The following CBLB variants were observed in gnomAD, a reference collection of about 807,000 sequenced individuals.
CBLB encodes the protein E3 ubiquitin-protein ligase CBL-B.
In CBLB, 31 loss-of-function variants were observed where a neutral mutation model predicts 104.9. The observed-to-expected ratio is 0.30, with a 90% confidence interval of 0.22 to 0.40. CBLB has a LOEUF of 0.40. CBLB is among the 10% of genes least tolerant of loss of function. The pLI, the probability that CBLB is intolerant of heterozygous loss-of-function variation, is 1.00. For missense variants in CBLB, 1,062 were observed against 1,214.6 expected (o/e 0.87, Z 1.87); for synonymous variants, 440 against 422.6 (o/e 1.04, Z -0.51).
chr3:105,806,695 C>T (rs1040946869), intron 3 of CBLB, among the ~76,000 whole-genome samples: 4 of 151,996 alleles, frequency 2.6e-5, no homozygotes, highest in Admixed American at 6.6e-5. Context: ...AAATACTACC[C>T]TGCAACAGGT....
chr3:105,787,621 G>C (rs1317551778), intron 3 of CBLB, among the ~76,000 whole-genome samples: 1 of 152,188 alleles, frequency 6.6e-6, no homozygotes, highest in African/African-American at 2.4e-5. Context: ...AAGTACAATA[G>C]GCTATATGAT....
intron 3 of CBLB, among the ~76,000 whole-genome samples, chr3:105,839,966 T>C (rs540898858): frequency 6.6e-6 from 1 of 152,332 alleles, no homozygotes; most frequent in African/African-American, 2.4e-5. Context: ...TGCAAACCTA[T>C]TTTAATCAGG....
intron 4 of CBLB, among the ~76,000 whole-genome samples, chr3:105,763,427 T>C (rs551738253): frequency 1.1e-4 from 17 of 152,274 alleles, no homozygotes; most frequent in African/African-American, 3.6e-4. Flanking sequence ...CCACATGTTG[T>C]AGAAAGGACC....
rs1029037945 is a variant in CBLB, at chr3:105,864,609, T to A, written c.168+2801A>T. ...CTATTCTTTTCCTCAAAACATAGACTATGCTAACTCTGTGCTACTGATTTT... is the reference window on the plus strand; with the variant it reads ...CTATTCTTTTCCTCAAAACATAGACAATGCTAACTCTGTGCTACTGATTTT... On this transcript the variant is annotated intron_variant, in intron 2 of 18. Coordinates refer to ENST00000394030, the MANE Select transcript of CBLB (RefSeq NM_170662.5). 1.9e-4 allele frequency among the ~76,000 whole-genome samples: 29 copies of A among 152,170 alleles called. 1 individual carries two copies. Among genetic ancestry groups the A allele is most frequent in the Admixed American group, 1.7e-3 (26 of 15,274 alleles).
intron 3 of CBLB, among the ~76,000 whole-genome samples, chr3:105,847,392 CCACACACACACACACACACA>C (rs112192218): frequency 1.4e-3 from 195 of 143,538 alleles, no homozygotes; most frequent in Non-Finnish European, 1.2e-3. Flanking sequence ...TAACCCTCCA[CCACACACACACACACACACA>C]CACACACACA....
In CBLB at chr3:105,658,335, C is replaced by T. The variant is rs372866798; in HGVS notation, c.*635G>A. The T allele has an allele frequency of 3.9e-4, 87 of 222,216 alleles. No individual in the cohort carries two copies. The highest frequency in any genetic ancestry group is 1.7e-3 in the African/African-American group (75 of 44,776). 13.8% of individuals were successfully genotyped at this position (222,216 alleles called of 1,614,324 possible). On this transcript the variant is annotated 3_prime_UTR_variant, in exon 19 of 19. Coordinates refer to ENST00000394030, the MANE Select transcript of CBLB (RefSeq NM_170662.5). ...AAATGCTTTATACATTCAGGTTTTT[C>T]CCATCTCTCAATAGTGATGGTTTCC...
At chr3:105,867,377 T>C (rs758409412) in intron 2 of CBLB, 33 bp downstream of exon 2, 14 of 1,594,978 alleles carry the variant, frequency 8.8e-6, no homozygotes, top group Non-Finnish European at 4.3e-6. Context: ...AAGTGAATAG[T>C]GTTTCGCACA....
intron 3 of CBLB, among the ~76,000 whole-genome samples, chr3:105,829,923 G>A (rs1047142205): frequency 4.0e-5 from 6 of 151,830 alleles, no homozygotes; most frequent in African/African-American, 4.8e-5. Flanking sequence ...TAATTTAAGG[G>A]GATATCTCAT....
intron 13 of CBLB, among the ~76,000 whole-genome samples, chr3:105,691,595 G>C (rs1370715375): frequency 6.6e-6 from 1 of 152,140 alleles, no homozygotes; most frequent in Non-Finnish European, 1.5e-5. Flanking sequence ...TGTTCTCTGA[G>C]TTATCAAAGG....
At chr3:105,670,197 A>C (rs760428214) in intron 18 of CBLB, 36 bp downstream of exon 18, 2 of 1,592,228 alleles carry the variant, frequency 1.3e-6, no homozygotes, top group South Asian at 2.2e-5. Context: ...CTATATAACA[A>C]TAAGGTATTA....
intron 4 of CBLB, among the ~76,000 whole-genome samples, chr3:105,767,435 G>A (rs993720169): frequency 1.5e-4 from 23 of 151,974 alleles, no homozygotes; most frequent in Admixed American, 9.2e-4. Context: ...ATCAATCATA[G>A]AGGCAATAAA....
intron 3 of CBLB, among the ~76,000 whole-genome samples, chr3:105,848,361 C>T (rs1289376278): frequency 1.3e-5 from 2 of 152,058 alleles, no homozygotes; most frequent in Non-Finnish European, 2.9e-5. Flanking sequence ...GTAGCATATA[C>T]AATTATGTGA....
intron 2 of CBLB, among the ~76,000 whole-genome samples, chr3:105,865,569 C>T (rs2092378819): frequency 6.6e-6 from 1 of 152,162 alleles, no homozygotes; most frequent in Non-Finnish European, 1.5e-5. Flanking sequence ...AAATAACCAT[C>T]TATTTTACCA....
chr3:105,768,019 C>T (rs761198694), intron 4 of CBLB, among the ~76,000 whole-genome samples: 11 of 152,192 alleles, frequency 7.2e-5, no homozygotes, highest in Non-Finnish European at 1.0e-4. Flanking sequence ...TACTTCTCAA[C>T]TCATCTGAAT....
chr3:105,678,004 T>G (rs1337395228), intron 17 of CBLB, among the ~76,000 whole-genome samples: 3 of 152,178 alleles, frequency 2.0e-5, no homozygotes, highest in South Asian at 4.1e-4. Context: ...CAAAATCTTA[T>G]GTTTTGAACA....
At chr3:105,868,385 G>A (rs1706477083) in intron 1 of CBLB, 1 of 427,458 alleles carries the variant, frequency 2.3e-6, no homozygotes, top group Non-Finnish European at 3.9e-6. Context: ...CGGCCCCTCG[G>A]GTCTGAGCTG....
chr3:105,790,247 G>A (rs1289482995), intron 3 of CBLB, among the ~76,000 whole-genome samples: 1 of 152,108 alleles, frequency 6.6e-6, no homozygotes, highest in African/African-American at 2.4e-5. Context: ...TATTTCTTAA[G>A]GAATTAAATA....
intron 4 of CBLB, among the ~76,000 whole-genome samples, chr3:105,768,884 A>G (rs900436915): frequency 2.0e-5 from 3 of 152,190 alleles, no homozygotes; most frequent in Non-Finnish European, 4.4e-5. Flanking sequence ...AGAAAGAGGG[A>G]AGAGAGGCAT....
At chr3:105,818,906 T>C (rs1488530808) in intron 3 of CBLB, among the ~76,000 whole-genome samples, 2 of 151,856 alleles carry the variant, frequency 1.3e-5, no homozygotes, top group African/African-American at 4.8e-5. Context: ...TAAAAAAAAA[T>C]AAAATGGCTA....
Sources: gnomAD v4.1 joint callset for allele counts (sites outside exome capture counted in the v4.1 genomes callset) on GRCh38, gnomAD v4.1.1 for gene constraint, MANE v1.5 for transcripts, NCBI Gene and HGNC (gene_info 2026-07-23, HGNC 2026-07-21) for gene names.